Variants in DTD1 observed in about 807,000 individuals in gnomAD.
DTD1 encodes the protein D-aminoacyl-tRNA deacylase 1.
DTD1 carries 13 observed loss-of-function variants against 25.6 expected under a neutral mutation model. The observed-to-expected ratio is 0.51, with a 90% CI of 0.33 to 0.81. DTD1 has a LOEUF of 0.81. Ranked by LOEUF, DTD1 falls within the 30% of genes least tolerant of loss-of-function variation. The probability of loss-of-function intolerance (pLI) is 0.02; values close to 1 mark genes in which losing one functional copy is unlikely to be tolerated. For synonymous variants in DTD1, 110 were observed against 103.6 expected (o/e 1.06, Z -0.37); for missense variants, 193 against 266.4 (o/e 0.72, Z 1.92).
intron 4 of DTD1, among the ~76,000 whole-genome samples, chr20:18,682,449 A>C (rs1366380316): frequency 6.6e-6 from 1 of 152,110 alleles, no homozygotes; most frequent in African/African-American, 2.4e-5. Flanking sequence ...ACCATATCCC[A>C]CCCAGTATGC....
chr20:18,632,957 T>C (rs1272121580), intron 4 of DTD1, among the ~76,000 whole-genome samples: 1 of 152,130 alleles, frequency 6.6e-6, no homozygotes, highest in African/African-American at 2.4e-5. Flanking sequence ...CTAGGCACTG[T>C]GAGGAAGAGA....
intron 4 of DTD1, among the ~76,000 whole-genome samples, chr20:18,662,833 T>C (rs553432110): frequency 6.6e-6 from 1 of 152,334 alleles, no homozygotes; most frequent in South Asian, 2.1e-4. Flanking sequence ...CATTGTTGAA[T>C]GGACACAGCT....
chr20:18,727,072 A>C (rs6132108), intron 4 of DTD1, among the ~76,000 whole-genome samples: 47,554 of 152,150 alleles, frequency 0.31, 7,996 homozygotes, highest in Non-Finnish European at 0.38. Flanking sequence ...GTGACAGAGG[A>C]GTCCTTGGCA....
intron 4 of DTD1, among the ~76,000 whole-genome samples, chr20:18,687,100 C>T (rs1031887216): frequency 6.6e-6 from 1 of 152,174 alleles, no homozygotes; most frequent in African/African-American, 2.4e-5. Context: ...GGAGAAAATT[C>T]AGGCAGAGGA....
At chr20:18,615,086 G>A (rs1450271178) in intron 3 of DTD1, among the ~76,000 whole-genome samples, 1 of 152,040 alleles carries the variant, frequency 6.6e-6, no homozygotes, top group African/African-American at 2.4e-5. Flanking sequence ...GGGAATAGAT[G>A]TGCTGATCCC....
chr20:18,735,992 G>A (rs1212191433), intron 4 of DTD1, among the ~76,000 whole-genome samples: 1 of 151,986 alleles, frequency 6.6e-6, no homozygotes, highest in Non-Finnish European at 1.5e-5. Context: ...CTTATGTGTG[G>A]CCCAAGACAA....
intron 4 of DTD1, among the ~76,000 whole-genome samples, chr20:18,663,753 G>T (rs1033092398): frequency 6.6e-6 from 1 of 152,210 alleles, no homozygotes; most frequent in Non-Finnish European, 1.5e-5. Flanking sequence ...GAGGCCTCAT[G>T]AAACTTATAA....
rs149232229 is a variant in DTD1, at chr20:18,596,204, G to A, written c.333G>A (p.Glu111=). The A allele has an allele frequency of 1.1e-5, 17 of 1,614,026 alleles. No individual in the cohort carries two copies. The African/African-American group carries it at 1.6e-4, about 15-fold the overall frequency. The change falls in exon 3 of 6, where the codon GAG becomes GAA. Residue 111 remains glutamate (E), a synonymous_variant. Transcript: ENST00000377452. ...QAEGFYNSFL[E]QLRKTYRPEL... ...AGGGCTTCTACAACAGCTTCCTGGA[G>A]CAGCTGCGTAAAACATACAGGCCGG... is the stretch of plus-strand genomic sequence containing the variant.
intron 4 of DTD1, among the ~76,000 whole-genome samples, chr20:18,690,029 A>C (rs1008232511): frequency 4.0e-5 from 6 of 148,408 alleles, no homozygotes; most frequent in Non-Finnish European, 9.0e-5. Flanking sequence ...CCAGCTACTT[A>C]GGAGGCTGAG....
chr20:18,762,592 A>G (rs1555805267), intron 5 of DTD1, among the ~76,000 whole-genome samples: 1 of 152,220 alleles, frequency 6.6e-6, no homozygotes, highest in East Asian at 1.9e-4. Context: ...TCTCTTTTCT[A>G]GGAATTTGTT....
chr20:18,625,566 C>T (rs2060754219), intron 3 of DTD1, among the ~76,000 whole-genome samples: 1 of 152,206 alleles, frequency 6.6e-6, no homozygotes, highest in South Asian at 2.1e-4. Context: ...TAGCGGCTTC[C>T]AGAGTCATAC....
At chr20:18,716,977 G>GC (rs2061183671) in intron 4 of DTD1, among the ~76,000 whole-genome samples, 1 of 152,134 alleles carries the variant, frequency 6.6e-6, no homozygotes, top group Admixed American at 6.5e-5. Flanking sequence ...TCAATCTGAG[G>GC]TACACATCAA....
At chr20:18,606,277 A>C (rs2060657283) in intron 3 of DTD1, among the ~76,000 whole-genome samples, 1 of 134,108 alleles carries the variant, frequency 7.5e-6, no homozygotes, top group South Asian at 2.4e-4. Context: ...GTCAGGAAAC[A>C]ACAGGTGCTG....
chr20:18,736,651 A>G (rs1478645672), intron 4 of DTD1, among the ~76,000 whole-genome samples: 1 of 152,200 alleles, frequency 6.6e-6, no homozygotes, highest in Non-Finnish European at 1.5e-5. Flanking sequence ...ACAGACCTTG[A>G]CTGGCTGCCC....
At chr20:18,637,291 A>G (rs558157645) in intron 4 of DTD1, among the ~76,000 whole-genome samples, 2 of 152,298 alleles carry the variant, frequency 1.3e-5, no homozygotes, top group African/African-American at 4.8e-5. Flanking sequence ...TCCCCCTGCC[A>G]CACAGGCAGT....
chr20:18,612,402 C>T (rs2060691082), intron 3 of DTD1, among the ~76,000 whole-genome samples: 1 of 152,168 alleles, frequency 6.6e-6, no homozygotes, highest in Non-Finnish European at 1.5e-5. Flanking sequence ...TTGTTATATT[C>T]CAGGCCCTGT....
rs754978568 is a variant in DTD1, at chr20:18,628,145, A to C, written c.389A>C (p.Tyr130Ser). The C allele has an allele frequency of 1.6e-5, 26 of 1,613,732 alleles. No individual in the cohort carries two copies. Among genetic ancestry groups the C allele is most frequent in the Non-Finnish European group, 2.2e-5 (26 of 1,179,716 alleles). Residue 130 changes from tyrosine to serine, a missense_variant, in exon 4 of 6, where the codon TAC becomes TCC. Physicochemically the swap from Tyr to Ser is moderately radical, Grantham distance 144 (BLOSUM62 -2). Coordinates refer to ENST00000377452, the MANE Select transcript of DTD1 (RefSeq NM_080820.6). ...TTTTCAGATGGCAAGTTTGGGGCCT[A>C]CATGCAGGTGCACATTCAGAATGAT... is the stretch of plus-strand genomic sequence containing the variant. ...ELIKDGKFGAYMQVHIQNDGP... is the reference protein window; with the variant it reads ...ELIKDGKFGASMQVHIQNDGP...
In DTD1 at chr20:18,600,722, C is replaced by G. The variant is rs541571472; in HGVS notation, c.370+4481C>G. Among the ~76,000 whole-genome samples the G allele has an allele frequency of 2.0e-4, 30 of 152,226 alleles. No individual in the cohort carries two copies. The East Asian group carries it at 5.6e-3, about 28-fold the overall frequency. ...TGACACCTTGACTATATTGAATCTC[C>G]CTGTCTATGAACATGGAATATCTCT... On this transcript the variant is annotated intron_variant, in intron 3 of 5. Coordinates refer to ENST00000377452, the MANE Select transcript of DTD1 (RefSeq NM_080820.6).
At chr20:18,758,783 G>C (rs2061349376) in intron 5 of DTD1, among the ~76,000 whole-genome samples, 1 of 152,174 alleles carries the variant, frequency 6.6e-6, no homozygotes, top group African/African-American at 2.4e-5. Context: ...ATGTCTATTA[G>C]GTCCACTTGG....
Sources: gnomAD v4.1 joint callset for allele counts (sites outside exome capture counted in the v4.1 genomes callset) on GRCh38, gnomAD v4.1.1 for gene constraint, MANE v1.5 for transcripts, NCBI Gene and HGNC (gene_info 2026-07-23, HGNC 2026-07-21) for gene names.